Variants in PDE1C observed in about 807,000 individuals in gnomAD.
PDE1C encodes the protein phosphodiesterase 1C.
Under a neutral mutation model 93.1 loss-of-function variants are expected in PDE1C, and 62 were observed. The ratio of observed to expected loss-of-function variants is 0.67; its 90% CI spans 0.54 to 0.82. PDE1C has a LOEUF of 0.82. Among genes scored for constraint, PDE1C ranks in the 40% least tolerant of loss-of-function variants. PDE1C has a pLI of 0.00. For synonymous variants in PDE1C, 325 were observed against 310.1 expected, an observed-to-expected ratio of 1.05 and a Z score of -0.50; for missense variants, 742 against 884.6, an observed-to-expected ratio of 0.84 and a Z score of 2.04.
At position 31,865,180 on chromosome 7, in the gene PDE1C, A is replaced by G. The variant is rs561303218; in HGVS notation, c.610-98T>C. On this transcript the variant is annotated intron_variant, in intron 6 of 17. Transcript: ENST00000396191. The stretch of plus-strand genomic sequence containing the variant: ...CCAGGACTGCTTTTTCTCTGAAGGC[A>G]TAACACATGAGGAAATTGGAACTTA... 11 of 1,159,184 alleles carry G rather than the reference A, an allele frequency of 9.5e-6. No homozygotes were observed. In the African/African-American group the frequency reaches 1.5e-4, roughly 16 times the overall value. The allele number at this position is 1,159,184 out of a possible 1,614,324, so 71.8% of individuals were successfully genotyped here.
chr7:31,769,839 A>C (rs1442568607), intron 17 of PDE1C, among the ~76,000 whole-genome samples: 1 of 152,172 alleles, frequency 6.6e-6, no homozygotes, highest in Non-Finnish European at 1.5e-5. Flanking sequence ...TGGGTATTTT[A>C]TGTAAATGGA....
At chr7:32,367,873 G>A (rs189464530) in intron 1 of PDE1C, among the ~76,000 whole-genome samples, 1 of 151,990 alleles carries the variant, frequency 6.6e-6, no homozygotes, top group African/African-American at 2.4e-5. Context: ...AGCCCAGGAG[G>A]TCAAGACTAT....
chr7:32,065,048 C>T (rs1259282218), intron 1 of PDE1C, among the ~76,000 whole-genome samples: 1 of 1,150 alleles, frequency 8.7e-4, no homozygotes, highest in Non-Finnish European at 1.5e-3. Flanking sequence ...GACGGAACGG[C>T]GGTGGGGGGG....
At chr7:31,616,923 G>A in the PDE1C span, among the ~76,000 whole-genome samples, 1 of 151,852 alleles carries the variant, frequency 6.6e-6, no homozygotes, top group African/African-American at 2.4e-5. Flanking sequence ...TTGTGGGAAT[G>A]GTATGGTTGT....
At chr7:31,822,973 T>A in intron 14 of PDE1C, 100 bp downstream of exon 14, 1 of 953,786 alleles carries the variant, frequency 1.0e-6, no homozygotes. Flanking sequence ...AATTTGAATC[T>A]GCATCCTGAG....
At chr7:31,701,165 A>G in the PDE1C span, among the ~76,000 whole-genome samples, 1 of 152,224 alleles carries the variant, frequency 6.6e-6, no homozygotes, top group Admixed American at 6.5e-5. Context: ...CCTTCTGGAA[A>G]CAATTTGGTA....
At chr7:31,927,623 CT>C (rs1289259415) in intron 2 of PDE1C, among the ~76,000 whole-genome samples, 3 of 152,194 alleles carry the variant, frequency 2.0e-5, no homozygotes, top group Non-Finnish European at 4.4e-5. Context: ...CTTTGCTTTT[CT>C]GCAGCCTCCG....
chr7:32,071,497 C>T (rs1462074587), upstream of PDE1C: 1 of 771,664 alleles, frequency 1.3e-6, no homozygotes, highest in South Asian at 6.0e-5. Context: ...CTCCCTTTCA[C>T]CCCCCCACCC....
intron 16 of PDE1C, chr7:31,787,518 T>G (rs1184172592): frequency 1.3e-5 from 2 of 152,194 alleles, no homozygotes; most frequent in Non-Finnish European, 2.9e-5. Context: ...TATAGAGCTA[T>G]TTGGTGACAT....
chr7:32,243,142 T>C (rs1232739611), intron 1 of PDE1C, among the ~76,000 whole-genome samples: 1 of 151,600 alleles, frequency 6.6e-6, no homozygotes, highest in Non-Finnish European at 1.5e-5. Context: ...GGAGGGAGAG[T>C]GGGTCTTGCC....
chr7:32,418,318 A>G (rs1276816985), intron 1 of PDE1C, among the ~76,000 whole-genome samples: 1 of 152,182 alleles, frequency 6.6e-6, no homozygotes, highest in Non-Finnish European at 1.5e-5. Flanking sequence ...AGACCCCCGT[A>G]CTCACTAGAT....
chr7:31,715,584 C>G, the PDE1C span, among the ~76,000 whole-genome samples: 1 of 152,122 alleles, frequency 6.6e-6, no homozygotes, highest in African/African-American at 2.4e-5. Context: ...ATAGAATAAC[C>G]CTCTCTGTAT....
chr7:32,080,204 T>A (rs999366825), intron 3 of PDE1C, among the ~76,000 whole-genome samples: 1 of 152,066 alleles, frequency 6.6e-6, no homozygotes, highest in Admixed American at 6.6e-5. Flanking sequence ...CAGAAAAATA[T>A]TGGGTACAGA....
chr7:32,298,546 G>C, intron 1 of PDE1C: 1 of 1,374,462 alleles, frequency 7.3e-7, no homozygotes, highest in Non-Finnish European at 1.0e-6. Flanking sequence ...TCCGGCCCCA[G>C]CCCGACCCCT....
chr7:31,959,645 C>A (rs1324734779), intron 2 of PDE1C, among the ~76,000 whole-genome samples: 1 of 152,070 alleles, frequency 6.6e-6, no homozygotes, highest in Non-Finnish European at 1.5e-5. Context: ...TTGAGGATAT[C>A]ATGATAGGGT....
the PDE1C span, among the ~76,000 whole-genome samples, chr7:31,717,734 A>C: frequency 6.6e-6 from 1 of 152,240 alleles, no homozygotes; most frequent in Non-Finnish European, 1.5e-5. Context: ...CTTTGCTTTT[A>C]TTCATAGTAA....
intron 1 of PDE1C, among the ~76,000 whole-genome samples, chr7:32,269,984 T>A (rs987408617): frequency 6.6e-6 from 1 of 151,358 alleles, no homozygotes; most frequent in African/African-American, 2.4e-5. Flanking sequence ...CTATGTTGAC[T>A]AGGCCAGTCT....
At chr7:32,206,303 G>A (rs765629068) in intron 2 of PDE1C, among the ~76,000 whole-genome samples, 1 of 152,128 alleles carries the variant, frequency 6.6e-6, no homozygotes, top group Non-Finnish European at 1.5e-5. Flanking sequence ...AAAGGGGCCA[G>A]TTTATGCAGT....
chr7:31,973,131 A>G (rs917720077), intron 2 of PDE1C, among the ~76,000 whole-genome samples: 3 of 152,334 alleles, frequency 2.0e-5, no homozygotes, highest in Admixed American at 6.5e-5. Context: ...AAAATTCACT[A>G]GAAGGGCTCA....
Sources: allele counts gnomAD v4.1 joint callset (sites outside exome capture counted in the v4.1 genomes callset), GRCh38; gene constraint gnomAD v4.1.1; transcripts MANE v1.5; gene names NCBI Gene and HGNC (gene_info 2026-07-23, HGNC 2026-07-21).